PPFIA2: variants seen among roughly 807,000 people sequenced by gnomAD.
The protein encoded by PPFIA2 is PPFI scaffold protein A2, also known as liprin-alpha-2.
In PPFIA2, 46 loss-of-function variants were observed where a neutral mutation model predicts 175.5. That is an observed-to-expected ratio of 0.26 (90% CI 0.21 to 0.34). The LOEUF (loss-of-function observed/expected upper bound fraction) is 0.34. Among genes scored for constraint, PPFIA2 ranks in the 10% least tolerant of loss-of-function variants. The pLI is 1.00. For missense variants in PPFIA2, 1,179 were observed against 1,506.1 expected, an observed-to-expected ratio of 0.78 and a Z score of 3.60; for synonymous variants, 568 against 511.4, an observed-to-expected ratio of 1.11 and a Z score of -1.49.
intron 3 of PPFIA2, among the ~76,000 whole-genome samples, chr12:81,705,519 C>CCAT (rs2077031069): frequency 6.6e-6 from 1 of 150,824 alleles, no homozygotes; most frequent in African/African-American, 2.4e-5. Context: ...CACAGAGTGT[C>CCAT]CATAGTCCAG....
intron 3 of PPFIA2, among the ~76,000 whole-genome samples, chr12:81,711,486 T>A (rs2077910292): frequency 6.6e-6 from 1 of 151,428 alleles, no homozygotes; most frequent in African/African-American, 2.4e-5. Flanking sequence ...TATCTATCTA[T>A]GTAGTCATTT....
intron 4 of PPFIA2, among the ~76,000 whole-genome samples, chr12:81,605,920 G>A (rs1162904770): frequency 1.3e-5 from 2 of 151,720 alleles, no homozygotes; most frequent in African/African-American, 4.8e-5. Flanking sequence ...TTGCACCCAG[G>A]TAGTGAGCAT....
chr12:81,415,619 A>T (rs1027514330), intron 7 of PPFIA2, among the ~76,000 whole-genome samples: 4 of 150,870 alleles, frequency 2.7e-5, no homozygotes, highest in Admixed American at 6.6e-5. Flanking sequence ...AGGGTTTTTT[A>T]AAAAAGAAAT....
chr12:81,361,291 C>T (rs975053829), intron 15 of PPFIA2, among the ~76,000 whole-genome samples: 1 of 151,664 alleles, frequency 6.6e-6, no homozygotes, highest in Non-Finnish European at 1.5e-5. Flanking sequence ...TTATTCTATG[C>T]ATTGACTCCC....
chr12:81,534,573 G>A (rs577115862), intron 4 of PPFIA2, among the ~76,000 whole-genome samples: 3 of 151,648 alleles, frequency 2.0e-5, no homozygotes, highest in Non-Finnish European at 4.4e-5. Context: ...GACTATAAGG[G>A]ACCCTAAGCA....
chr12:81,512,799 G>T (rs1301387628), intron 4 of PPFIA2, among the ~76,000 whole-genome samples: 1 of 151,908 alleles, frequency 6.6e-6, no homozygotes, highest in African/African-American at 2.4e-5. Flanking sequence ...ATTGTATTTG[G>T]TTTTCCATTC....
At chr12:81,347,281 A>T (rs1470970409) in intron 18 of PPFIA2, among the ~76,000 whole-genome samples, 1 of 152,128 alleles carries the variant, frequency 6.6e-6, no homozygotes, top group African/African-American at 2.4e-5. Flanking sequence ...TGTGCTATTT[A>T]GATCTCTGCT....
intron 32 of PPFIA2, chr12:81,260,777 A>G (rs1443786739): frequency 1.3e-5 from 2 of 152,176 alleles, no homozygotes; most frequent in East Asian, 1.9e-4. Context: ...TCTGTCTATA[A>G]CTGTTTTCTC....
intron 31 of PPFIA2, 41 bp from the exon 32 acceptor site, chr12:81,262,081 T>C (rs370167407): frequency 2.5e-5 from 34 of 1,365,360 alleles, no homozygotes; most frequent in Non-Finnish European, 3.4e-5. Flanking sequence ...CTTGGATGAT[T>C]GAGTACAAGA....
Position 81,358,108 on chromosome 12 carries a change from T to A in PPFIA2, c.1747A>T (p.Met583Leu). 6.2e-7 allele frequency: 1 copy of A among 1,605,910 alleles called. No individual in the cohort carries two copies. The highest frequency in any genetic ancestry group is 8.5e-7 in the Non-Finnish European group (1 of 1,175,906). Reference protein sequence around the residue: ...KVIRRPRRGRMGVRRDEPKVK... With the variant: ...KVIRRPRRGRLGVRRDEPKVK... ...TTTGGCTCATCTCTTCGCACACCCA[T>A]GCGGCCTCTCCTTGGTCTTCTTATT... Residue 583 changes from methionine to leucine, a missense_variant, in exon 16 of 33, where the codon ATG (methionine) becomes TTG (leucine). Met to Leu is a conservative substitution (Grantham distance 15). This residue lies in a region of PPFIA2 where 186 missense variants were observed against 163.6 expected (regional missense o/e 1.14). Transcript: ENST00000549396.
At chr12:81,605,810 C>T (rs906624196) in intron 4 of PPFIA2, among the ~76,000 whole-genome samples, 3 of 151,790 alleles carry the variant, frequency 2.0e-5, no homozygotes, top group African/African-American at 4.8e-5. Flanking sequence ...AAAAATGACC[C>T]TTTACAGATA....
intron 24 of PPFIA2, chr12:81,294,575 T>A: frequency 2.2e-6 from 1 of 461,636 alleles, no homozygotes; most frequent in Non-Finnish European, 3.9e-6. Context: ...CTCAGGGTCT[T>A]GTCGCTTGGG....
At chr12:81,696,845 A>G (rs2075951869) in intron 3 of PPFIA2, among the ~76,000 whole-genome samples, 1 of 151,956 alleles carries the variant, frequency 6.6e-6, no homozygotes, top group South Asian at 2.1e-4. Context: ...GTCTTGACCT[A>G]TATGATCCCC....
At chr12:81,300,880 C>T (rs1463283173) in intron 22 of PPFIA2, among the ~76,000 whole-genome samples, 4 of 152,116 alleles carry the variant, frequency 2.6e-5, no homozygotes, top group African/African-American at 9.7e-5. Context: ...CTGTTGTGGA[C>T]TGAGACTTGT....
At chr12:81,736,112 T>C (rs764363494) in intron 3 of PPFIA2, among the ~76,000 whole-genome samples, 3 of 151,974 alleles carry the variant, frequency 2.0e-5, no homozygotes, top group Non-Finnish European at 2.9e-5. Context: ...AAAAGGCTGC[T>C]GACATTTTAA....
intron 4 of PPFIA2, among the ~76,000 whole-genome samples, chr12:81,462,593 T>C (rs1334332515): frequency 7.0e-6 from 1 of 143,554 alleles, no homozygotes; most frequent in African/African-American, 2.5e-5. Flanking sequence ...TACATATATA[T>C]ATATATATAT....
At chr12:81,516,585 A>G (rs1488612217) in intron 4 of PPFIA2, among the ~76,000 whole-genome samples, 1 of 152,152 alleles carries the variant, frequency 6.6e-6, no homozygotes, top group Non-Finnish European at 1.5e-5. Context: ...ACAAACACAT[A>G]CACAGGAAGA....
At chr12:81,737,827 A>AAT (rs1459900387) in intron 3 of PPFIA2, among the ~76,000 whole-genome samples, 1 of 152,014 alleles carries the variant, frequency 6.6e-6, no homozygotes, top group Non-Finnish European at 1.5e-5. Context: ...ATCACAGAGC[A>AAT]ATAAGGGGAT....
chr12:81,448,655 T>C (rs2051800188), intron 5 of PPFIA2, among the ~76,000 whole-genome samples: 1 of 152,230 alleles, frequency 6.6e-6, no homozygotes, highest in Non-Finnish European at 1.5e-5. Context: ...TTTGTTTGTT[T>C]AGTTTTGTTA....
Sources: allele counts gnomAD v4.1 joint callset (sites outside exome capture counted in the v4.1 genomes callset), GRCh38; gene constraint gnomAD v4.1.1; regional missense constraint gnomAD v4.1.1; transcripts MANE v1.5; gene names NCBI Gene and HGNC (gene_info 2026-07-23, HGNC 2026-07-21).